BTRC: variants seen among roughly 807,000 people sequenced by gnomAD.
The protein encoded by BTRC is beta-transducin repeat containing E3 ubiquitin protein ligase.
In BTRC, 42 loss-of-function variants were observed where a neutral mutation model predicts 85.5. That is an observed-to-expected ratio of 0.49 (90% CI 0.38 to 0.64). The LOEUF (loss-of-function observed/expected upper bound fraction) is 0.64, where lower values mean the gene tolerates loss of function less well. Among genes scored for constraint, BTRC ranks in the 30% least tolerant of loss-of-function variants. BTRC has a pLI of 0.00. For synonymous variants in BTRC, 255 were observed against 263.3 expected, an observed-to-expected ratio of 0.97 and a Z score of 0.30; for missense variants, 594 against 743.5, an observed-to-expected ratio of 0.80 and a Z score of 2.34.
chr10:101,393,912 AT>A (rs1276320087), intron 1 of BTRC, among the ~76,000 whole-genome samples: 1 of 152,190 alleles, frequency 6.6e-6, no homozygotes, highest in Non-Finnish European at 1.5e-5. Context: ...AAGCAGTTGA[AT>A]GAGAAAACTA....
intron 3 of BTRC, among the ~76,000 whole-genome samples, chr10:101,473,389 A>G (rs1384541791): frequency 4.0e-5 from 6 of 148,462 alleles, no homozygotes; most frequent in Admixed American, 2.0e-4. Flanking sequence ...GGCTCAAGCA[A>G]CCGCCCACCC....
At chr10:101,393,236 A>G (rs1464591210) in intron 1 of BTRC, among the ~76,000 whole-genome samples, 2 of 152,160 alleles carry the variant, frequency 1.3e-5, no homozygotes, top group Non-Finnish European at 2.9e-5. Context: ...ACCTTGTTCT[A>G]TGGGTCTCTT....
chr10:101,527,614 C>A (rs2062211798), intron 6 of BTRC, among the ~76,000 whole-genome samples: 1 of 152,012 alleles, frequency 6.6e-6, no homozygotes, highest in African/African-American at 2.4e-5. Context: ...ATTAGCTGGG[C>A]CTGGTGGCGC....
At chr10:101,437,262 T>G (rs566725112) in intron 2 of BTRC, among the ~76,000 whole-genome samples, 1 of 152,306 alleles carries the variant, frequency 6.6e-6, no homozygotes, top group East Asian at 1.9e-4. Context: ...CCTAATAAAA[T>G]GAATTATTGT....
At chr10:101,464,529 A>G (rs957010207) in intron 3 of BTRC, among the ~76,000 whole-genome samples, 34 of 126,948 alleles carry the variant, frequency 2.7e-4, no homozygotes, top group African/African-American at 9.5e-4. Flanking sequence ...TAATTTAACA[A>G]CCTTCCCCCC....
Position 101,553,779 on chromosome 10 carries a change from A to T in BTRC, c.*656A>T, listed in dbSNP as rs2062688295. ...TCTCTTTGTTTCTGTTCCTCTTCCCATCTACTCCCCTACGCCCCTTCAACC... is the reference window on the plus strand; with the variant it reads ...TCTCTTTGTTTCTGTTCCTCTTCCCTTCTACTCCCCTACGCCCCTTCAACC... On this transcript the variant is annotated 3_prime_UTR_variant, in exon 15 of 15. Transcript: ENST00000370187. The T allele has an allele frequency of 6.5e-6, 1 of 152,918 alleles. No homozygotes were observed. The highest frequency in any genetic ancestry group is 1.5e-5 in the Non-Finnish European group (1 of 68,278). The allele number at this position is 152,918 out of a possible 1,614,324, so 9.5% of individuals were successfully genotyped here.
rs1443989971 is a variant in BTRC, at chr10:101,532,908, C to A, written c.979-44C>A. The A allele has an allele frequency of 2.8e-6, 4 of 1,448,610 alleles. No homozygotes were observed. The East Asian group carries it at 6.8e-5, about 25-fold the overall frequency. The allele number at this position is 1,448,610 out of a possible 1,614,324, so 89.7% of individuals were successfully genotyped here. ...ATAGGACCAACAAGTCTCCACAGCA[C>A]CCCATCATCACATTGATCAAAAGGA... On this transcript the variant is annotated intron_variant, in intron 8 of 14. Coordinates refer to ENST00000370187, the MANE Select transcript of BTRC (RefSeq NM_033637.4).
intron 1 of BTRC, among the ~76,000 whole-genome samples, chr10:101,404,984 C>T (rs1943584502): frequency 7.5e-6 from 1 of 133,432 alleles, no homozygotes; most frequent in Non-Finnish European, 1.6e-5. Flanking sequence ...GGTAACAGAG[C>T]TAGAATCCAT....
chr10:101,364,305 G>T (rs1159550295), intron 1 of BTRC, among the ~76,000 whole-genome samples: 1 of 152,102 alleles, frequency 6.6e-6, no homozygotes, highest in East Asian at 1.9e-4. Context: ...AAAGCATAAA[G>T]AAATAATCAG....
chr10:101,354,816 G>A (rs1011213840), intron 1 of BTRC, among the ~76,000 whole-genome samples: 1 of 152,142 alleles, frequency 6.6e-6, no homozygotes, highest in Non-Finnish European at 1.5e-5. Context: ...TGGAATCCCA[G>A]CTTGGCCAAA....
At chr10:101,521,540 C>A in intron 4 of BTRC, 99 bp from the exon 5 acceptor site, 1 of 835,320 alleles carries the variant, frequency 1.2e-6, no homozygotes, top group Non-Finnish European at 1.9e-6. Flanking sequence ...TGGGCTCAAT[C>A]ATGTAGACAT....
intron 2 of BTRC, among the ~76,000 whole-genome samples, chr10:101,455,988 A>ACACACACACACG (rs1945068992): frequency 1.4e-5 from 2 of 146,456 alleles, no homozygotes; most frequent in South Asian, 4.5e-4. Context: ...CTAAAAACAC[A>ACACACACACACG]CACACACACA....
intron 2 of BTRC, among the ~76,000 whole-genome samples, chr10:101,459,231 T>C (rs1436421842): frequency 6.6e-6 from 1 of 152,224 alleles, no homozygotes; most frequent in Non-Finnish European, 1.5e-5. Flanking sequence ...GGAATCCTCA[T>C]AGATAAAGAT....
chr10:101,487,152 G>A (rs977234202), intron 4 of BTRC, among the ~76,000 whole-genome samples: 2 of 152,116 alleles, frequency 1.3e-5, no homozygotes, highest in African/African-American at 4.8e-5. Flanking sequence ...TAATTGATTA[G>A]CATTTGTAGT....
intron 5 of BTRC, 95 bp downstream of exon 5, chr10:101,521,965 C>G (rs9420854): frequency 0.5 from 344,222 of 691,404 alleles, 79,357 homozygotes; most frequent in Middle Eastern, 0.54. Context: ...TCTTTATTGG[C>G]TTGATTTTTA....
At chr10:101,408,403 C>T (rs1191522371) in intron 1 of BTRC, among the ~76,000 whole-genome samples, 1 of 152,040 alleles carries the variant, frequency 6.6e-6, no homozygotes, top group Non-Finnish European at 1.5e-5. Context: ...CCCTCCCAGC[C>T]TCAAGTGATC....
chr10:101,385,618 CTT>C (rs36030307), intron 1 of BTRC, among the ~76,000 whole-genome samples: 3 of 79,810 alleles, frequency 3.8e-5, no homozygotes, highest in Non-Finnish European at 7.4e-5. Flanking sequence ...TCTTCTTCTT[CTT>C]TTTTTTTTTT....
At chr10:101,456,019 A>ACACACACACACACACAC (rs1564784013) in intron 2 of BTRC, among the ~76,000 whole-genome samples, 2 of 6,782 alleles carry the variant, frequency 2.9e-4, no homozygotes, top group African/African-American at 5.7e-4. Context: ...CACACACACA[A>ACACACACACACACACAC]AATTAGCTGG....
intron 1 of BTRC, among the ~76,000 whole-genome samples, chr10:101,399,738 G>A (rs1943450398): frequency 6.6e-6 from 1 of 152,076 alleles, no homozygotes; most frequent in African/African-American, 2.4e-5. Flanking sequence ...GTCTAAAGTA[G>A]GCAATATCAT....
Sources: allele counts gnomAD v4.1 joint callset (sites outside exome capture counted in the v4.1 genomes callset), GRCh38; gene constraint gnomAD v4.1.1; transcripts MANE v1.5; gene names NCBI Gene and HGNC (gene_info 2026-07-23, HGNC 2026-07-21).